The following PTGER4 variants were observed in gnomAD, a reference collection of about 807,000 sequenced individuals.
PTGER4 encodes the protein prostaglandin E receptor 4, also known as prostaglandin E2 receptor EP4 subtype.
A neutral mutation model predicts 33.2 loss-of-function variants in PTGER4; 11 were observed. The observed-to-expected ratio is 0.33, with a 90% CI of 0.21 to 0.55. PTGER4 has a LOEUF of 0.55. PTGER4 is among the 20% of genes least tolerant of loss of function. PTGER4 has a pLI of 0.92. For synonymous variants in PTGER4, 275 were observed against 281.5 expected, an observed-to-expected ratio of 0.98 and a Z score of 0.23; for missense variants, 481 against 650.2, an observed-to-expected ratio of 0.74 and a Z score of 2.83.
downstream of PTGER4, among the ~76,000 whole-genome samples, chr5:40,695,538 T>C (rs1391103472): frequency 2.0e-5 from 3 of 150,470 alleles, no homozygotes; most frequent in African/African-American, 4.9e-5. Flanking sequence ...ACAGCGAGAC[T>C]GTCTCAAAAA....
the PTGER4 span, among the ~76,000 whole-genome samples, chr5:40,723,013 A>G: frequency 6.6e-6 from 1 of 152,226 alleles, no homozygotes; most frequent in East Asian, 1.9e-4. Context: ...AAATGTGGGG[A>G]AAAGGAGAGA....
At chr5:40,682,081 T>A (rs1741210593) in intron 2 of PTGER4, among the ~76,000 whole-genome samples, 1 of 151,646 alleles carries the variant, frequency 6.6e-6, no homozygotes, top group Non-Finnish European at 1.5e-5. Flanking sequence ...ATCCCCCAGT[T>A]TATGTTCCCG....
At chr5:40,741,587 A>G in the PTGER4 span, among the ~76,000 whole-genome samples, 1 of 152,172 alleles carries the variant, frequency 6.6e-6, no homozygotes, top group African/African-American at 2.4e-5. Context: ...TAGCTGTGTC[A>G]GCCTCTCCAA....
At chr5:40,716,856 A>T in the PTGER4 span, among the ~76,000 whole-genome samples, 3 of 152,300 alleles carry the variant, frequency 2.0e-5, no homozygotes, top group African/African-American at 7.2e-5. Context: ...CCAGGAGTGG[A>T]TATCTTTGAA....
At chr5:40,746,792 A>G in the PTGER4 span, 4 of 1,606,050 alleles carry the variant, frequency 2.5e-6, no homozygotes, top group Non-Finnish European at 3.4e-6. Context: ...AACTTTAAAT[A>G]CATACCTTTT....
the PTGER4 span, among the ~76,000 whole-genome samples, chr5:40,730,024 C>T: frequency 1.1e-3 from 164 of 152,228 alleles, 1 homozygote; most frequent in East Asian, 0.026. Flanking sequence ...AGATAGCCAC[C>T]GATTCCTATC....
chr5:40,709,976 G>C, the PTGER4 span, among the ~76,000 whole-genome samples: 1 of 152,164 alleles, frequency 6.6e-6, no homozygotes, highest in Non-Finnish European at 1.5e-5. Context: ...AAAAACCCTA[G>C]AAGAAAACCT....
the PTGER4 span, chr5:40,716,337 C>T: frequency 1.9e-6 from 3 of 1,614,180 alleles, no homozygotes; most frequent in South Asian, 3.3e-5. Context: ...CTGGAATTGA[C>T]TTTGGTGAAA....
chr5:40,736,212 G>A, the PTGER4 span, among the ~76,000 whole-genome samples: 1 of 152,128 alleles, frequency 6.6e-6, no homozygotes, highest in African/African-American at 2.4e-5. Context: ...ATGTGCTGGT[G>A]AGAAAATAAA....
In PTGER4 at chr5:40,680,849, C is replaced by A; in HGVS notation, c.-43-102C>A. On this transcript the variant is annotated intron_variant, in intron 1 of 2. Transcript: ENST00000302472. This position sits in a 1 kb window ranked among gnomAD's most constrained non-coding sequence, Gnocchi z 5.5. ...ATCCAGAAAGTAGGATCGAGTTGCT[C>A]CCCTTGTCTTATCAGTGTATCGTTT... is the stretch of plus-strand genomic sequence containing the variant. The A allele has an allele frequency of 9.4e-7, 1 of 1,058,342 alleles. No homozygotes were observed. The highest frequency in any genetic ancestry group is 1.4e-6 in the Non-Finnish European group (1 of 731,972). 65.6% of individuals were successfully genotyped at this position (1,058,342 alleles called of 1,614,324 possible). A position where few individuals can be genotyped will look rare whatever the true frequency, so the allele number is the denominator to read the frequency against.
chr5:40,684,965 G>A (rs1182270025), intron 2 of PTGER4, among the ~76,000 whole-genome samples: 2 of 152,120 alleles, frequency 1.3e-5, no homozygotes, highest in Admixed American at 6.5e-5. Flanking sequence ...CTAAGGTCCT[G>A]GTTTTAAATG....
rs1002423275 is a variant in PTGER4 at position 40,693,402 on chromosome 5, A to G, written c.*1024A>G. 3 of 983,966 alleles carry G rather than the reference A, an allele frequency of 3.0e-6. No individual in the cohort carries two copies. The Admixed American group carries it at 1.8e-4, about 61-fold the overall frequency. The allele number at this position is 983,966 out of a possible 1,614,324, so 61.0% of individuals were successfully genotyped here. On this transcript the variant is annotated 3_prime_UTR_variant, in exon 3 of 3. Coordinates refer to ENST00000302472, the MANE Select transcript of PTGER4 (RefSeq NM_000958.3). ...TAAGGAATTACCAAGAATATCCTTT[A>G]AAATTTAAAAGGATGGCAAGTTGCA...
the PTGER4 span, among the ~76,000 whole-genome samples, chr5:40,737,938 T>C: frequency 9.8e-5 from 15 of 152,368 alleles, no homozygotes; most frequent in South Asian, 3.1e-3. Context: ...TATACCACAA[T>C]TTATTCATTC....
At chr5:40,687,488 A>G (rs1741355433) in intron 2 of PTGER4, among the ~76,000 whole-genome samples, 1 of 152,224 alleles carries the variant, frequency 6.6e-6, no homozygotes, top group Admixed American at 6.5e-5. Flanking sequence ...CTCACGAGAC[A>G]TTGAAGCACT....
chr5:40,716,444 A>G, the PTGER4 span: 6 of 1,613,512 alleles, frequency 3.7e-6, no homozygotes, highest in East Asian at 4.5e-5. Context: ...TCTTCTTTCC[A>G]TATTTCAGGG....
the PTGER4 span, among the ~76,000 whole-genome samples, chr5:40,718,036 T>G: frequency 2.6e-5 from 4 of 151,430 alleles, no homozygotes; most frequent in African/African-American, 4.9e-5. Flanking sequence ...TGCTCCAGCC[T>G]GGGCAACAAG....
At chr5:40,708,462 C>T in the PTGER4 span, among the ~76,000 whole-genome samples, 1 of 151,842 alleles carries the variant, frequency 6.6e-6, no homozygotes, top group Non-Finnish European at 1.5e-5. Context: ...GACACATACA[C>T]CCTCCCAAGA....
At chr5:40,697,090 G>T (rs1466921767), downstream of PTGER4, among the ~76,000 whole-genome samples, 1 of 61,580 alleles carries the variant, frequency 1.6e-5, no homozygotes, top group Non-Finnish European at 3.0e-5. Flanking sequence ...AGGAAGGAAA[G>T]AAAGAGAAAA....
At chr5:40,682,297 T>C (rs1333645016) in intron 2 of PTGER4, among the ~76,000 whole-genome samples, 1 of 152,174 alleles carries the variant, frequency 6.6e-6, no homozygotes, top group African/African-American at 2.4e-5. Flanking sequence ...TTGTAAACCA[T>C]TTTTAAGGAA....
Sources: gnomAD v4.1 joint callset for allele counts (sites outside exome capture counted in the v4.1 genomes callset) on GRCh38, gnomAD v4.1.1 for gene constraint, Gnocchi (gnomAD v3.1) non-coding constraint, MANE v1.5 for transcripts, NCBI Gene and HGNC (gene_info 2026-07-23, HGNC 2026-07-21) for gene names.